STAU2: variants seen among roughly 807,000 people sequenced by gnomAD.
STAU2 encodes staufen double-stranded RNA binding protein 2, also known as double-stranded RNA-binding protein Staufen homolog 2.
In STAU2, 20 loss-of-function variants were observed where a neutral mutation model predicts 65.9. That is an observed-to-expected ratio of 0.30 (90% CI 0.21 to 0.44). The LOEUF is 0.44. STAU2 is among the 20% of genes least tolerant of loss of function. The pLI, the probability that STAU2 is intolerant of heterozygous loss-of-function variation, is 1.00. For missense variants in STAU2, 558 were observed against 683.9 expected, an observed-to-expected ratio of 0.82 and a Z score of 2.05; for synonymous variants, 232 against 233.9, an observed-to-expected ratio of 0.99 and a Z score of 0.07.
intron 6 of STAU2, among the ~76,000 whole-genome samples, chr8:73,625,396 A>G (rs1037624589): frequency 6.6e-6 from 1 of 152,248 alleles, no homozygotes; most frequent in Non-Finnish European, 1.5e-5. Context: ...AAGTATAATT[A>G]CATGCTACAA....
intron 13 of STAU2, among the ~76,000 whole-genome samples, chr8:73,482,561 G>A (rs1446476293): frequency 6.6e-6 from 1 of 152,112 alleles, no homozygotes; most frequent in African/African-American, 2.4e-5. Context: ...AGTAACAGAA[G>A]TGATCTCAGT....
At chr8:73,450,913 A>G (rs566628360) in intron 13 of STAU2, among the ~76,000 whole-genome samples, 163 of 152,328 alleles carry the variant, frequency 1.1e-3, no homozygotes, top group African/African-American at 3.7e-3. Flanking sequence ...AGGTGACGGC[A>G]TTTGTAGTTA....
At chr8:73,598,950 A>C (rs1057173200) in intron 10 of STAU2, among the ~76,000 whole-genome samples, 23 of 152,092 alleles carry the variant, frequency 1.5e-4, no homozygotes, top group Non-Finnish European at 3.4e-4. Flanking sequence ...TCTACATAGA[A>C]AACAAAGTCT....
chr8:73,432,388 C>G (rs1817365991), intron 13 of STAU2, among the ~76,000 whole-genome samples: 1 of 152,194 alleles, frequency 6.6e-6, no homozygotes, highest in Non-Finnish European at 1.5e-5. Context: ...ATCTCTGATA[C>G]TGAATCTATA....
intron 12 of STAU2, among the ~76,000 whole-genome samples, chr8:73,581,080 C>T (rs1365468122): frequency 6.6e-6 from 1 of 151,982 alleles, no homozygotes; most frequent in Non-Finnish European, 1.5e-5. Flanking sequence ...ATATTCCTTC[C>T]CATGTCTGCA....
At chr8:73,595,537 C>CAT (rs554382412) in intron 10 of STAU2, among the ~76,000 whole-genome samples, 322 of 152,042 alleles carry the variant, frequency 2.1e-3, no homozygotes, top group Non-Finnish European at 3.6e-3. Context: ...TTTTTACTTC[C>CAT]ATATATATTT....
intron 13 of STAU2, among the ~76,000 whole-genome samples, chr8:73,511,923 A>T (rs1822428663): frequency 6.6e-6 from 1 of 152,126 alleles, no homozygotes; most frequent in African/African-American, 2.4e-5. Flanking sequence ...TTTTGAGTGA[A>T]TTTTTGCATA....
At chr8:73,600,274 T>C (rs1199922345) in intron 10 of STAU2, among the ~76,000 whole-genome samples, 2 of 152,252 alleles carry the variant, frequency 1.3e-5, no homozygotes, top group African/African-American at 4.8e-5. Flanking sequence ...AACATATTCA[T>C]TACAGAATTT....
intron 1 of STAU2, among the ~76,000 whole-genome samples, chr8:73,746,111 G>A (rs181235320): frequency 3.5e-4 from 54 of 152,194 alleles, no homozygotes; most frequent in Admixed American, 3.2e-3. Context: ...AACAGCCACA[G>A]CAGAACTTGC....
At chr8:73,699,340 T>C (rs191175139) in intron 4 of STAU2, among the ~76,000 whole-genome samples, 543 of 151,622 alleles carry the variant, frequency 3.6e-3, no homozygotes, top group African/African-American at 0.012. Context: ...CAGAAATAAA[T>C]GAATTTGAAA....
intron 13 of STAU2, among the ~76,000 whole-genome samples, chr8:73,453,551 C>A (rs1483229392): frequency 2.0e-5 from 3 of 152,178 alleles, no homozygotes; most frequent in Admixed American, 6.5e-5. Flanking sequence ...TGGGAAAAAT[C>A]AAGGGGCACC....
intron 3 of STAU2, among the ~76,000 whole-genome samples, chr8:73,735,087 C>A (rs2130765971): frequency 6.6e-6 from 1 of 152,230 alleles, no homozygotes; most frequent in East Asian, 1.9e-4. Context: ...GCATGTGTCA[C>A]CATATCTAAC....
intron 13 of STAU2, among the ~76,000 whole-genome samples, chr8:73,482,615 T>G (rs1820692437): frequency 1.3e-5 from 2 of 152,150 alleles, no homozygotes; most frequent in Admixed American, 1.3e-4. Context: ...TGTGTTAAAA[T>G]GTATTTAAGT....
intron 11 of STAU2, among the ~76,000 whole-genome samples, chr8:73,593,162 T>A (rs1810945475): frequency 1.3e-5 from 2 of 152,148 alleles, no homozygotes. Context: ...ACCCTCAATA[T>A]CTCTCACCTA....
chr8:73,609,582 A>G (rs1812293602), intron 9 of STAU2, among the ~76,000 whole-genome samples: 1 of 152,092 alleles, frequency 6.6e-6, no homozygotes, highest in East Asian at 1.9e-4. Flanking sequence ...TGAACCCAGG[A>G]GGTGGAGGTT....
At chr8:73,614,873 T>G (rs1167145580) in intron 8 of STAU2, among the ~76,000 whole-genome samples, 5 of 152,140 alleles carry the variant, frequency 3.3e-5, no homozygotes, top group Non-Finnish European at 5.9e-5. Flanking sequence ...GACTTCCTCA[T>G]TTTGCTGCTT....
intron 5 of STAU2, among the ~76,000 whole-genome samples, chr8:73,675,985 C>A (rs1345183326): frequency 6.6e-6 from 1 of 151,978 alleles, no homozygotes; most frequent in Admixed American, 6.6e-5. Context: ...GAAATGCTAT[C>A]AATGGGGAAT....
At chr8:73,550,485 A>G (rs746931945) in intron 13 of STAU2, 83 of 986,060 alleles carry the variant, frequency 8.4e-5, no homozygotes, top group Non-Finnish European at 9.8e-5. Context: ...CTTTGTTTCT[A>G]TAAGAATGCA....
At chr8:73,655,750 G>A (rs926476036) in intron 6 of STAU2, among the ~76,000 whole-genome samples, 1 of 142,744 alleles carries the variant, frequency 7.0e-6, no homozygotes, top group Non-Finnish European at 1.5e-5. Context: ...CTGGGTTCAC[G>A]CCATTCTCCT....
Sources: gnomAD v4.1 joint callset for allele counts (sites outside exome capture counted in the v4.1 genomes callset) on GRCh38, gnomAD v4.1.1 for gene constraint, MANE v1.5 for transcripts, NCBI Gene and HGNC (gene_info 2026-07-23, HGNC 2026-07-21) for gene names.